DMBT1: variants seen among roughly 807,000 people sequenced by gnomAD.
DMBT1 encodes scavenger receptor cysteine-rich domain-containing protein DMBT1.
In DMBT1, 198 loss-of-function variants were observed where a neutral mutation model predicts 252.9. The observed-to-expected ratio is 0.78, with a 90% CI of 0.70 to 0.88. The LOEUF (loss-of-function observed/expected upper bound fraction) is 0.88, where lower values mean the gene tolerates loss of function less well. DMBT1 is among the 40% of genes least tolerant of loss of function. The pLI is 0.00. For missense variants in DMBT1, 2,432 were observed against 2,404.7 expected (o/e 1.01, Z -0.24); for synonymous variants, 990 against 942.7 (o/e 1.05, Z -0.92).
Position 122,640,195 on chromosome 10 carries a change from C to G in DMBT1, c.7098C>G (p.His2366Gln). 1 of 1,614,088 alleles carries G rather than the reference C, an allele frequency of 6.2e-7. No homozygotes were observed. The highest frequency in any genetic ancestry group is 8.5e-7 in the Non-Finnish European group (1 of 1,179,902). ...TGTACATTGCTAATGACACCATCCA[C>G]GTTGCTAATAACACCATCCAGGTCG... The part of the protein sequence containing the change: ...DTMYIANDTI[H>Q]VANNTIQVEE... Residue 2366 changes from histidine (H) to glutamine (Q), a missense_variant, in exon 55 of 56, where the codon CAC becomes CAG. Around this residue, in one of 3 missense-constraint regions of DMBT1, gnomAD observed 1,162 missense variants for 1,169.0 expected, o/e 0.99. Coordinates refer to ENST00000338354, the MANE Select transcript of DMBT1 (RefSeq NM_001377530.1).
rs368884776 is a variant in DMBT1 at position 122,625,227 on chromosome 10, C to T, written c.5609-50C>T. On this transcript the variant is annotated intron_variant, in intron 44 of 55. Coordinates refer to ENST00000338354, the MANE Select transcript of DMBT1 (RefSeq NM_001377530.1). ...ACAGGCACTCAGCATTTCTCTCGCT[C>T]ATCATCCTGGGCACTGGGACTGACT... The T allele has an allele frequency of 3.7e-5, 59 of 1,586,416 alleles. No homozygotes were observed. In the African/African-American group the frequency reaches 4.8e-4, roughly 13 times the overall value.
chr10:122,564,971 T>A (rs1030705961), intron 1 of DMBT1, among the ~76,000 whole-genome samples: 1 of 152,134 alleles, frequency 6.6e-6, no homozygotes, highest in African/African-American at 2.4e-5. Context: ...AATGAAAAAA[T>A]TTGAATTTTT....
chr10:122,617,250 A>G lies in DMBT1; in HGVS notation c.4881A>G (p.Ala1627=), dbSNP rs777643774. Residue 1627 remains alanine (A), a synonymous_variant, in exon 40 of 56, where the codon GCA becomes GCG. Coordinates refer to ENST00000338354, the MANE Select transcript of DMBT1 (RefSeq NM_001377530.1). ...PSPDTWPTSR[A]STAGSESTLA... ...CAGACACTTGGCCAACCTCTCGTGCATCAACAGCAGGTAAACAATCCTCTC... is the reference window on the plus strand; with the variant it reads ...CAGACACTTGGCCAACCTCTCGTGCGTCAACAGCAGGTAAACAATCCTCTC... 5 of 1,609,734 alleles carry G rather than the reference A, an allele frequency of 3.1e-6. 1 individual carries two copies. In the East Asian group the frequency reaches 9.3e-5, roughly 30 times the overall value.
chr10:122,586,575 T>C (rs28438402), intron 16 of DMBT1, among the ~76,000 whole-genome samples, 192 bp downstream of exon 16: 2,875 of 148,010 alleles, frequency 0.019, 28 homozygotes, highest in African/African-American at 0.066. Flanking sequence ...GAGAGGACAA[T>C]GGGCCAAAGT....
intron 53 of DMBT1, among the ~76,000 whole-genome samples, chr10:122,636,561 C>T (rs1191062913): frequency 6.6e-6 from 1 of 152,178 alleles, no homozygotes; most frequent in Non-Finnish European, 1.5e-5. Context: ...TGGCCATGGC[C>T]TGAGACCTAA....
intron 44 of DMBT1, 94 bp downstream of exon 44, chr10:122,621,474 CTCCTGTGTT>C: frequency 6.4e-7 from 1 of 1,573,742 alleles, no homozygotes; most frequent in South Asian, 1.2e-5. Flanking sequence ...CTCAAAGCTT[CTCCTGTGTT>C]TCCTGTGTTT....
intron 45 of DMBT1, 109 bp downstream of exon 45, chr10:122,625,412 T>C: frequency 9.6e-7 from 1 of 1,038,142 alleles, no homozygotes; most frequent in Non-Finnish European, 1.5e-6. Flanking sequence ...GGGTAATTTC[T>C]CTCTGAGGAC....
chr10:122,586,022 G>A lies in DMBT1; in HGVS notation c.1460-38G>A, dbSNP rs376350155. On this transcript the variant is annotated intron_variant, in intron 15 of 55. Transcript: ENST00000338354. Reference sequence around the variant, plus strand: ...ACATTCCTTAGATTCTTGACCTCATGATAGGGATGGATGAAGGGTTCTTGT... The same window carrying A: ...ACATTCCTTAGATTCTTGACCTCATAATAGGGATGGATGAAGGGTTCTTGT... 16 of 1,587,182 alleles carry A rather than the reference G, an allele frequency of 1.0e-5. 1 individual carries two copies. Among genetic ancestry groups the A allele is most frequent in the Non-Finnish European group, 1.3e-5 (15 of 1,165,662 alleles).
intron 41 of DMBT1, 45 bp downstream of exon 41, chr10:122,618,385 G>T (rs2098022224): frequency 6.2e-7 from 1 of 1,613,306 alleles, no homozygotes; most frequent in South Asian, 1.1e-5. Flanking sequence ...GTTGAAGTTT[G>T]CTCAGGAAGA....
chr10:122,632,732 G>T (rs567197736), intron 50 of DMBT1, 129 bp from the exon 51 acceptor site: 114 of 1,244,986 alleles, frequency 9.2e-5, no homozygotes, highest in Non-Finnish European at 1.1e-4. Flanking sequence ...GCTCCCCAAG[G>T]GCAAGGCCTG....
chr10:122,627,881 G>T (rs2098129459), intron 46 of DMBT1, among the ~76,000 whole-genome samples: 1 of 152,156 alleles, frequency 6.6e-6, no homozygotes, highest in Non-Finnish European at 1.5e-5. Context: ...ATGAGCAAAA[G>T]ACCTGAAAGA....
rs1001312809 is a variant in DMBT1 at position 122,630,374 on chromosome 10, G to A, written c.5909G>A (p.Cys1970Tyr). Residue 1970 changes from cysteine to tyrosine, a missense_variant, in exon 48 of 56, where the codon TGT becomes TAT. Physicochemically the swap from Cys to Tyr is radical, Grantham distance 194. This residue lies in a region of DMBT1 where 1,162 missense variants were observed against 1,169.0 expected (regional missense o/e 0.99). Transcript: ENST00000338354. The stretch of plus-strand genomic sequence containing the variant: ...AGCAGTCTCCTGCTGGGGAAAATCT[G>A]TAATGATACCAGGCAAATATTTACA... ...LNSSLLLGKICNDTRQIFTSS... is the reference protein window; with the variant it reads ...LNSSLLLGKIYNDTRQIFTSS... 6.2e-7 allele frequency: 1 copy of A among 1,613,980 alleles called. No homozygotes were observed. The highest frequency in any genetic ancestry group is 1.3e-5 in the African/African-American group (1 of 75,032).
At chr10:122,576,877 T>C (rs183155912) in intron 7 of DMBT1, among the ~76,000 whole-genome samples, 155 bp downstream of exon 7, 1 of 152,106 alleles carries the variant, frequency 6.6e-6, no homozygotes, top group East Asian at 1.9e-4. Context: ...AAAAAGAAAA[T>C]CACTTGGGCC....
In DMBT1 at chr10:122,589,112, C is replaced by G; in HGVS notation, c.1952C>G (p.Ala651Gly). 6.3e-7 allele frequency: 1 copy of G among 1,588,556 alleles called. No individual in the cohort carries two copies. The highest frequency in any genetic ancestry group is 1.2e-5 in the South Asian group (1 of 86,902). Residue 651 changes from alanine (A) to glycine (G), a missense_variant, in exon 17 of 56, where the codon GCC (alanine) becomes GGC (glycine). Ala to Gly is a moderately conservative substitution (Grantham distance 60, BLOSUM62 0). Transcript: ENST00000338354. ...CTGGGCTGTGGCTGGGCCACGTCAG[C>G]CCCAGGAAATGCCCGGTTTGGTCAG... ...RQLGCGWATS[A>G]PGNARFGQGS... is the part of the protein sequence containing the mutation.
Position 122,637,653 on chromosome 10 carries a change from G to A in DMBT1, c.6942+341G>A, listed in dbSNP as rs185249698. 1.9e-3 allele frequency among the ~76,000 whole-genome samples: 286 copies of A among 152,332 alleles called. 2 individuals carry two copies. Among genetic ancestry groups the A allele is most frequent in the African/African-American group, 6.6e-3 (275 of 41,576 alleles). The stretch of plus-strand genomic sequence containing the variant: ...TATACAGTTAGGGTTGGGGGTGAGA[G>A]GCAGGTGTTGAGATGGGCAGGGGCC... On this transcript the variant is annotated intron_variant, in intron 54 of 55. Transcript: ENST00000338354.
At chr10:122,566,865 C>A (rs1389743727) in intron 2 of DMBT1, among the ~76,000 whole-genome samples, 2 of 152,122 alleles carry the variant, frequency 1.3e-5, no homozygotes, top group Non-Finnish European at 2.9e-5. Context: ...ATGGGAAAAC[C>A]AGGGCACAGT....
chr10:122,631,888 G>A lies in DMBT1; in HGVS notation c.6367+13G>A, dbSNP rs368553815. On this transcript the variant is annotated intron_variant, in intron 50 of 55. Coordinates refer to ENST00000338354, the MANE Select transcript of DMBT1 (RefSeq NM_001377530.1). ...CTATCGACACCTGGTAAGTCCCTCCGATTTCCATTCCACTTCCCTGGTCTC... is the reference window on the plus strand; with the variant it reads ...CTATCGACACCTGGTAAGTCCCTCCAATTTCCATTCCACTTCCCTGGTCTC... 89 of 1,613,352 alleles carry A rather than the reference G, an allele frequency of 5.5e-5. No individual in the cohort carries two copies. Among genetic ancestry groups the A allele is most frequent in the Admixed American group, 8.3e-5 (5 of 59,992 alleles).
intron 17 of DMBT1, 80 bp downstream of exon 17, chr10:122,589,347 A>G: frequency 1.3e-6 from 2 of 1,555,014 alleles, no homozygotes; most frequent in Non-Finnish European, 1.7e-6. Context: ...TAATCTCCTC[A>G]CTCAGAGCTT....
chr10:122,632,989 C>T, intron 51 of DMBT1, 99 bp downstream of exon 51: 2 of 1,570,312 alleles, frequency 1.3e-6, no homozygotes, highest in Non-Finnish European at 1.7e-6. Flanking sequence ...AGATGGCTTC[C>T]CCCAAAGTGG....
Sources: gnomAD v4.1 joint callset for allele counts (sites outside exome capture counted in the v4.1 genomes callset) on GRCh38, gnomAD v4.1.1 for gene constraint, gnomAD v4.1.1 regional missense constraint, MANE v1.5 for transcripts, NCBI Gene and HGNC (gene_info 2026-07-23, HGNC 2026-07-21) for gene names.